Variants in EXOC2 observed in about 807,000 individuals in gnomAD.
EXOC2 encodes exocyst complex component 2.
A neutral mutation model predicts 131.8 loss-of-function variants in EXOC2; 70 were observed. The ratio of observed to expected loss-of-function variants is 0.53; its 90% CI spans 0.44 to 0.65. The LOEUF (loss-of-function observed/expected upper bound fraction) is 0.65, where lower values mean the gene tolerates loss of function less well. EXOC2 is among the 30% of genes least tolerant of loss of function. The probability of loss-of-function intolerance (pLI) is 0.00; values close to 1 mark genes in which losing one functional copy is unlikely to be tolerated. For missense variants in EXOC2, 923 were observed against 1,108.6 expected, an observed-to-expected ratio of 0.83 and a Z score of 2.38; for synonymous variants, 411 against 398.4, an observed-to-expected ratio of 1.03 and a Z score of -0.38.
At chr6:567,711 T>C (rs1758052297) in intron 13 of EXOC2, among the ~76,000 whole-genome samples, 1 of 152,122 alleles carries the variant, frequency 6.6e-6, no homozygotes, top group Non-Finnish European at 1.5e-5. Context: ...TGTGCATGTG[T>C]ATATTACGTG....
At chr6:587,817 G>A (rs973259042) in intron 11 of EXOC2, among the ~76,000 whole-genome samples, 1 of 152,156 alleles carries the variant, frequency 6.6e-6, no homozygotes, top group South Asian at 2.1e-4. Context: ...TGAAACTGGA[G>A]TATTTCATAT....
intron 22 of EXOC2, among the ~76,000 whole-genome samples, chr6:547,674 T>C (rs1418122792): frequency 6.6e-6 from 1 of 152,210 alleles, no homozygotes; most frequent in Non-Finnish European, 1.5e-5. Flanking sequence ...ATCATCTAAA[T>C]CTAGTTTACT....
At chr6:629,693 A>G (rs1761747131) in intron 4 of EXOC2, 142 bp downstream of exon 4, 2 of 979,884 alleles carry the variant, frequency 2.0e-6, no homozygotes, top group Non-Finnish European at 2.9e-6. Flanking sequence ...GGCTTCATAA[A>G]TAACACCCAT....
intron 11 of EXOC2, among the ~76,000 whole-genome samples, chr6:583,869 G>A (rs1422355791): frequency 6.6e-6 from 1 of 152,232 alleles, no homozygotes; most frequent in Non-Finnish European, 1.5e-5. Flanking sequence ...CCAGTGCTGA[G>A]CTGCAGGGAG....
intron 23 of EXOC2, among the ~76,000 whole-genome samples, 192 bp from the exon 24 acceptor site, chr6:499,892 TGA>T (rs1189966784): frequency 6.6e-6 from 1 of 152,000 alleles, no homozygotes; most frequent in African/African-American, 2.4e-5. Flanking sequence ...AAAAAAGAAA[TGA>T]GAAGTTTTCT....
At chr6:685,791 G>A (rs1313713534) in intron 1 of EXOC2, among the ~76,000 whole-genome samples, 1 of 151,726 alleles carries the variant, frequency 6.6e-6, no homozygotes, top group Non-Finnish European at 1.5e-5. Context: ...CAGAAGACTC[G>A]CTGGGTCTCA....
At chr6:644,202 A>G (rs533500652) in intron 1 of EXOC2, among the ~76,000 whole-genome samples, 5 of 152,286 alleles carry the variant, frequency 3.3e-5, no homozygotes, top group African/African-American at 1.2e-4. Flanking sequence ...TTTTTCAGAC[A>G]TCAATCACTG....
intron 13 of EXOC2, among the ~76,000 whole-genome samples, chr6:570,070 A>G (rs1758182471): frequency 6.6e-6 from 1 of 152,204 alleles, no homozygotes; most frequent in African/African-American, 2.4e-5. Context: ...CAAATGAGGG[A>G]AAAACACTTG....
At chr6:603,209 C>T (rs1760199392) in intron 7 of EXOC2, among the ~76,000 whole-genome samples, 1 of 152,048 alleles carries the variant, frequency 6.6e-6, no homozygotes, top group African/African-American at 2.4e-5. Flanking sequence ...CACAATGTAT[C>T]CCAGGAATAA....
At chr6:534,731 A>G (rs959472469) in intron 22 of EXOC2, among the ~76,000 whole-genome samples, 2 of 152,256 alleles carry the variant, frequency 1.3e-5, no homozygotes, top group African/African-American at 4.8e-5. Flanking sequence ...CTAAAATCAA[A>G]CACATCAGAA....
At chr6:686,596 T>A (rs1324388134) in intron 1 of EXOC2, among the ~76,000 whole-genome samples, 3 of 152,106 alleles carry the variant, frequency 2.0e-5, no homozygotes, top group Non-Finnish European at 4.4e-5. Context: ...AGAGCCCCCA[T>A]AAAAGAGATC....
At chr6:567,644 T>A (rs545846465) in intron 13 of EXOC2, among the ~76,000 whole-genome samples, 4 of 152,248 alleles carry the variant, frequency 2.6e-5, no homozygotes, top group South Asian at 4.2e-4. Context: ...GTTTCATACA[T>A]GTCTACATAC....
intron 10 of EXOC2, among the ~76,000 whole-genome samples, chr6:597,560 T>C (rs2127638256): frequency 6.6e-6 from 1 of 152,312 alleles, no homozygotes; most frequent in South Asian, 2.1e-4. Flanking sequence ...GGCTTGGAAA[T>C]CAGAAAGCTA....
At chr6:554,386 G>A (rs369987547) in intron 20 of EXOC2, among the ~76,000 whole-genome samples, 8 of 152,266 alleles carry the variant, frequency 5.3e-5, no homozygotes, top group African/African-American at 1.7e-4. Context: ...ACAGCTCGAA[G>A]AAGGTACTAT....
At chr6:616,226 A>T (rs1002289627) in intron 6 of EXOC2, among the ~76,000 whole-genome samples, 3 of 152,222 alleles carry the variant, frequency 2.0e-5, no homozygotes, top group Non-Finnish European at 4.4e-5. Context: ...GCACACCATC[A>T]AGAAACATAA....
At chr6:508,299 T>G (rs536570872) in intron 23 of EXOC2, among the ~76,000 whole-genome samples, 1 of 152,320 alleles carries the variant, frequency 6.6e-6, no homozygotes, top group Admixed American at 6.5e-5. Context: ...TACACTGACA[T>G]GTGTCATTAT....
At chr6:617,456 G>A (rs989673294) in intron 6 of EXOC2, among the ~76,000 whole-genome samples, 4 of 152,226 alleles carry the variant, frequency 2.6e-5, no homozygotes, top group Non-Finnish European at 4.4e-5. Context: ...CCTGGAGTGT[G>A]GACATCACAG....
intron 4 of EXOC2, among the ~76,000 whole-genome samples, chr6:628,568 T>C (rs1191048539): frequency 6.6e-6 from 1 of 152,202 alleles, no homozygotes; most frequent in African/African-American, 2.4e-5. Flanking sequence ...CCCTAACTGA[T>C]AATTTTGTCC....
intron 24 of EXOC2, among the ~76,000 whole-genome samples, chr6:498,730 G>A (rs980889424): frequency 6.6e-6 from 1 of 152,196 alleles, no homozygotes; most frequent in East Asian, 1.9e-4. Flanking sequence ...TGTTTTTTCA[G>A]TTTACCTTGA....
Sources: gnomAD v4.1 joint callset for allele counts (sites outside exome capture counted in the v4.1 genomes callset) on GRCh38, gnomAD v4.1.1 for gene constraint, MANE v1.5 for transcripts, NCBI Gene and HGNC (gene_info 2026-07-23, HGNC 2026-07-21) for gene names.